ROBO2: variants seen among roughly 807,000 people sequenced by gnomAD.
ROBO2 encodes the protein roundabout guidance receptor 2.
In ROBO2, 53 loss-of-function variants were observed where a neutral mutation model predicts 160.8. That is an observed-to-expected ratio of 0.33 (90% CI 0.26 to 0.41). ROBO2 has a LOEUF of 0.41. Ranked by LOEUF, ROBO2 falls within the 10% of genes least tolerant of loss-of-function variation. The pLI is 1.00. For missense variants in ROBO2, 1,577 were observed against 1,722.4 expected (o/e 0.92, Z 1.49); for synonymous variants, 664 against 611.7 (o/e 1.09, Z -1.26).
intron 2 of ROBO2, among the ~76,000 whole-genome samples, chr3:76,065,483 C>G (rs1052062908): frequency 4.0e-5 from 6 of 151,878 alleles, no homozygotes; most frequent in Admixed American, 1.3e-4. Context: ...CACTAATTAA[C>G]TGTATTTTGC....
intron 2 of ROBO2, among the ~76,000 whole-genome samples, chr3:77,121,136 G>A (rs1168711133): frequency 6.6e-6 from 1 of 151,764 alleles, no homozygotes; most frequent in Admixed American, 6.6e-5. Context: ...GTAGAGACGG[G>A]GTTTCACCAT....
In ROBO2 at chr3:76,275,900, G is replaced by A. The variant is rs574566497; in HGVS notation, c.109+338298G>A. Among the ~76,000 whole-genome samples the A allele has an allele frequency of 2.3e-3, 351 of 151,994 alleles. 1 individual carries two copies. The highest frequency in any genetic ancestry group is 6.6e-3 in the South Asian group (32 of 4,814). On this transcript the variant is annotated intron_variant, in intron 2 of 26. Transcript: ENST00000487694. ...GTCAAAAGCAATGTGCTTATAAAAT[G>A]TAAAGACAAAAAAGAACTCGGAGGG... is the stretch of plus-strand genomic sequence containing the variant.
intron 2 of ROBO2, among the ~76,000 whole-genome samples, chr3:77,208,002 G>A (rs2083639292): frequency 6.6e-6 from 1 of 152,194 alleles, no homozygotes; most frequent in African/African-American, 2.4e-5. Context: ...TCCGAGGGCA[G>A]GAATTGGCTC....
intron 2 of ROBO2, among the ~76,000 whole-genome samples, chr3:76,982,315 AT>A (rs1251008352): frequency 2.6e-5 from 4 of 152,146 alleles, no homozygotes; most frequent in Non-Finnish European, 5.9e-5. Flanking sequence ...TCTCAGAATG[AT>A]TTTTTTGAAA....
At chr3:76,383,642 C>A (rs755040964) in intron 2 of ROBO2, among the ~76,000 whole-genome samples, 1 of 151,890 alleles carries the variant, frequency 6.6e-6, no homozygotes, top group East Asian at 1.9e-4. Flanking sequence ...GCATAACTGA[C>A]GTGCATCTGG....
At chr3:77,312,908 A>G (rs914140794) in intron 2 of ROBO2, among the ~76,000 whole-genome samples, 1 of 152,160 alleles carries the variant, frequency 6.6e-6, no homozygotes, top group African/African-American at 2.4e-5. Flanking sequence ...AAATCTAAAA[A>G]ATCTGTGTCC....
chr3:76,577,167 A>G (rs2085361305), intron 2 of ROBO2, among the ~76,000 whole-genome samples: 2 of 152,158 alleles, frequency 1.3e-5, no homozygotes, highest in South Asian at 4.1e-4. Context: ...TCTCTTGTAC[A>G]TAACACACCT....
chr3:76,389,957 A>T (rs1281930515), intron 2 of ROBO2, among the ~76,000 whole-genome samples: 2 of 152,182 alleles, frequency 1.3e-5, no homozygotes, highest in East Asian at 3.9e-4. Flanking sequence ...TAGTCTACTC[A>T]GAAAGCAAAT....
intron 2 of ROBO2, among the ~76,000 whole-genome samples, chr3:77,197,233 C>A (rs1420606170): frequency 2.6e-5 from 4 of 152,248 alleles, no homozygotes; most frequent in Admixed American, 2.6e-4. Context: ...TTCATGTTTG[C>A]AAGTTTTAAT....
intron 2 of ROBO2, among the ~76,000 whole-genome samples, chr3:77,136,289 G>A (rs2076269123): frequency 6.6e-6 from 1 of 151,824 alleles, no homozygotes; most frequent in South Asian, 2.1e-4. Flanking sequence ...TCTTGATTAA[G>A]GTTTTTATTT....
chr3:76,352,426 C>T (rs13062759), intron 2 of ROBO2, among the ~76,000 whole-genome samples: 13,493 of 152,016 alleles, frequency 0.089, 658 homozygotes, highest in Non-Finnish European at 0.1. Context: ...AGTAAAGTCC[C>T]AGCTTCAGAT....
At chr3:76,292,366 T>A (rs1434133587) in intron 2 of ROBO2, among the ~76,000 whole-genome samples, 1 of 152,178 alleles carries the variant, frequency 6.6e-6, no homozygotes, top group African/African-American at 2.4e-5. Flanking sequence ...CAGGAACATA[T>A]CTACATTTCA....
chr3:76,960,924 C>A (rs2079601528), intron 2 of ROBO2, among the ~76,000 whole-genome samples: 2 of 151,990 alleles, frequency 1.3e-5, no homozygotes, highest in Admixed American at 6.6e-5. Flanking sequence ...AATCAAACTC[C>A]TTCTATATGA....
At chr3:76,282,660 A>G (rs1708291235) in intron 2 of ROBO2, among the ~76,000 whole-genome samples, 2 of 151,976 alleles carry the variant, frequency 1.3e-5, no homozygotes, top group Non-Finnish European at 1.5e-5. Context: ...CGACCTGGGA[A>G]GTCTTCAACA....
intron 2 of ROBO2, among the ~76,000 whole-genome samples, chr3:76,324,163 G>T (rs1027273723): frequency 2.6e-5 from 4 of 152,084 alleles, no homozygotes; most frequent in Admixed American, 2.6e-4. Flanking sequence ...TTTAAAGGAA[G>T]AAATTGTAGG....
intron 2 of ROBO2, chr3:76,434,826 G>C (rs2076595921): frequency 6.5e-7 from 1 of 1,540,080 alleles, no homozygotes; most frequent in Admixed American, 1.7e-5. Flanking sequence ...TCATGTATCT[G>C]ATGACATGAA....
rs142292384 is a variant in ROBO2, at chr3:76,158,244, G to A, written c.109+220642G>A. 4.8e-3 allele frequency among the ~76,000 whole-genome samples: 726 copies of A among 152,060 alleles called. 3 individuals carry two copies. Among genetic ancestry groups the A allele is most frequent in the Non-Finnish European group, 8.8e-3 (596 of 67,968 alleles). On this transcript the variant is annotated intron_variant, in intron 2 of 26. Transcript: ENST00000487694. ...TCTATCAAACCAGCTACCCAAATTGGTCCATCCTGCCTCCTTGACTTTCTT... is the reference window on the plus strand; with the variant it reads ...TCTATCAAACCAGCTACCCAAATTGATCCATCCTGCCTCCTTGACTTTCTT...
chr3:76,686,021 T>G (rs544700750), intron 2 of ROBO2, among the ~76,000 whole-genome samples: 1 of 152,206 alleles, frequency 6.6e-6, no homozygotes, highest in East Asian at 1.9e-4. Flanking sequence ...AATCACCCTC[T>G]TCACTTCTCC....
chr3:77,288,343 A>T (rs2060761885), intron 2 of ROBO2, among the ~76,000 whole-genome samples: 1 of 152,184 alleles, frequency 6.6e-6, no homozygotes, highest in African/African-American at 2.4e-5. Flanking sequence ...TCTGTAGAGT[A>T]GTTGATGTGT....
Sources: gnomAD v4.1 joint callset for allele counts (sites outside exome capture counted in the v4.1 genomes callset) on GRCh38, gnomAD v4.1.1 for gene constraint, MANE v1.5 for transcripts, NCBI Gene and HGNC (gene_info 2026-07-23, HGNC 2026-07-21) for gene names.